TET1: variants seen among roughly 807,000 people sequenced by gnomAD.
TET1 encodes the protein methylcytosine dioxygenase TET1.
A neutral mutation model predicts 148.7 loss-of-function variants in TET1; 13 were observed. The observed-to-expected ratio is 0.09, with a 90% CI of 0.06 to 0.14. TET1 has a LOEUF of 0.14. Among genes scored for constraint, TET1 ranks in the 10% least tolerant of loss-of-function variants. The pLI, the probability that TET1 is intolerant of heterozygous loss-of-function variation, is 1.00. For missense variants in TET1, 2,182 were observed against 2,553.8 expected (o/e 0.85, Z 3.14); for synonymous variants, 907 against 937.2 (o/e 0.97, Z 0.59).
intron 3 of TET1, among the ~76,000 whole-genome samples, chr10:68,635,636 C>T (rs1373481945): frequency 1.3e-5 from 2 of 152,168 alleles, no homozygotes; most frequent in East Asian, 1.9e-4. Flanking sequence ...TAACCTTAAG[C>T]ATGGGTGGGG....
chr10:68,583,651 G>A (rs767782200), intron 2 of TET1, among the ~76,000 whole-genome samples: 2 of 152,144 alleles, frequency 1.3e-5, no homozygotes, highest in African/African-American at 4.8e-5. Flanking sequence ...GGTGGCTCTC[G>A]CCTGTAATCC....
At position 68,691,016 on chromosome 10, in the gene TET1, G is replaced by A; in HGVS notation, c.5613G>A (p.Gly1871=). 1 of 1,614,158 alleles carries A rather than the reference G, an allele frequency of 6.2e-7. No homozygotes were observed. Among genetic ancestry groups the A allele is most frequent in the Non-Finnish European group, 8.5e-7 (1 of 1,179,994 alleles). The change falls in exon 12 of 12, where the codon GGG becomes GGA. Residue 1871 remains glycine, a synonymous_variant. Coordinates refer to ENST00000373644, the MANE Select transcript of TET1 (RefSeq NM_030625.3). The surrounding 1 kb of genome is among the most constrained non-coding windows in gnomAD (Gnocchi z 4.4). ...AGAATGACGCAACAGCCTCATGCGG[G>A]TTTTCAGAAAGAAGCAGCACTCCCC... is the stretch of plus-strand genomic sequence containing the variant. ...PLKNDATASC[G]FSERSSTPHC...
chr10:68,633,106 C>A (rs542820299), intron 3 of TET1, among the ~76,000 whole-genome samples: 1 of 152,146 alleles, frequency 6.6e-6, no homozygotes, highest in Admixed American at 6.6e-5. Flanking sequence ...ATCACTTGAA[C>A]CCAGGAGGTG....
At chr10:68,574,904 G>C (rs1451645089) in intron 2 of TET1, among the ~76,000 whole-genome samples, 1 of 152,210 alleles carries the variant, frequency 6.6e-6, no homozygotes, top group Non-Finnish European at 1.5e-5. Flanking sequence ...ACCTAAGGTA[G>C]TTAAAGGATC....
chr10:68,569,282 C>T (rs1007067557), intron 1 of TET1, among the ~76,000 whole-genome samples: 9 of 149,104 alleles, frequency 6.0e-5, no homozygotes, highest in African/African-American at 2.0e-4. Flanking sequence ...ACGCCATTCT[C>T]CTGCCTCAGC....
intron 7 of TET1, among the ~76,000 whole-genome samples, chr10:68,670,528 T>A (rs2055259009): frequency 6.6e-6 from 1 of 152,230 alleles, no homozygotes; most frequent in Non-Finnish European, 1.5e-5. Flanking sequence ...CTATTGGTGT[T>A]GTTGACTATT....
At chr10:68,619,928 C>A (rs1038951199) in intron 3 of TET1, among the ~76,000 whole-genome samples, 4 of 152,106 alleles carry the variant, frequency 2.6e-5, no homozygotes, top group African/African-American at 9.7e-5. Flanking sequence ...CATGGTGGTT[C>A]ATTCCTGTAA....
At chr10:68,595,997 C>CATATATAT (rs2053982485) in intron 2 of TET1, among the ~76,000 whole-genome samples, 1 of 86,626 alleles carries the variant, frequency 1.2e-5, no homozygotes, top group African/African-American at 4.8e-5. Flanking sequence ...CACACACACA[C>CATATATAT]ACACACACAC....
At chr10:68,610,207 C>T (rs565772533) in intron 3 of TET1, among the ~76,000 whole-genome samples, 13 of 151,968 alleles carry the variant, frequency 8.6e-5, no homozygotes, top group African/African-American at 2.7e-4. Context: ...GATGTGAACC[C>T]GGGAGATGGA....
At chr10:68,616,782 A>G (rs1369583577) in intron 3 of TET1, among the ~76,000 whole-genome samples, 1 of 149,016 alleles carries the variant, frequency 6.7e-6, no homozygotes, top group African/African-American at 2.5e-5. Flanking sequence ...ATCTCGGCTC[A>G]CGGCAACCTC....
intron 3 of TET1, among the ~76,000 whole-genome samples, chr10:68,606,188 G>A (rs1355493497): frequency 6.6e-6 from 1 of 152,012 alleles, no homozygotes; most frequent in Admixed American, 6.5e-5. Flanking sequence ...CCAACATGGT[G>A]AAACCCTGTC....
At chr10:68,585,084 ATCC>A (rs1159527896) in intron 2 of TET1, among the ~76,000 whole-genome samples, 7 of 152,160 alleles carry the variant, frequency 4.6e-5, no homozygotes, top group Middle Eastern at 3.4e-3. Flanking sequence ...GGCTCACTGA[ATCC>A]TCTGCCTCCC....
intron 2 of TET1, among the ~76,000 whole-genome samples, chr10:68,588,988 T>A (rs1378854821): frequency 6.6e-6 from 1 of 151,952 alleles, no homozygotes; most frequent in Non-Finnish European, 1.5e-5. Context: ...CTGGGCATGG[T>A]GGTGAGTGCC....
rs3814177 is a variant in TET1 at position 68,572,309 on chromosome 10, C to G, written c.-30C>G. 1 of 1,541,802 alleles carries G rather than the reference C, an allele frequency of 6.5e-7. No individual in the cohort carries two copies. Among genetic ancestry groups the G allele is most frequent in the South Asian group, 1.3e-5 (1 of 79,556 alleles). ...AAAGGACCAATGACTCTGTTTCCTGCGCCCTTTCATTTTTTCCTACTCTGT... is the reference window on the plus strand; with the variant it reads ...AAAGGACCAATGACTCTGTTTCCTGGGCCCTTTCATTTTTTCCTACTCTGT... On this transcript the variant is annotated 5_prime_UTR_variant, in exon 2 of 12. Coordinates refer to ENST00000373644, the MANE Select transcript of TET1 (RefSeq NM_030625.3).
intron 3 of TET1, chr10:68,632,832 TTG>T: frequency 1.3e-6 from 1 of 796,978 alleles, no homozygotes; most frequent in Non-Finnish European, 1.9e-6. Flanking sequence ...AAAGTTTAAG[TTG>T]TAAAAAAAAA....
chr10:68,675,161 G>A (rs755196207), intron 8 of TET1: 1 of 332,476 alleles, frequency 3.0e-6, no homozygotes, highest in Non-Finnish European at 5.6e-6. Flanking sequence ...GGGGAAAAAA[G>A]TGTCTGTTAG....
chr10:68,594,741 G>A (rs1213425252), intron 2 of TET1, among the ~76,000 whole-genome samples: 1 of 152,104 alleles, frequency 6.6e-6, no homozygotes, highest in Non-Finnish European at 1.5e-5. Context: ...CACTTTGGGA[G>A]GCTGAGGTAG....
chr10:68,682,753 T>G, intron 9 of TET1, 83 bp from the exon 10 acceptor site: 2 of 1,442,278 alleles, frequency 1.4e-6, no homozygotes, highest in Non-Finnish European at 1.9e-6. Flanking sequence ...AGAAACTTCA[T>G]GAGGAAATTA....
rs758739848 is a variant in TET1, at chr10:68,572,830, A to C, written c.492A>C (p.Gln164His). The stretch of plus-strand genomic sequence containing the variant: ...ATTCGGTTCCAATGCAAGACACCCA[A>C]GTCCTTCCTGATATAGAGACTCTAA... ...ENDSVPMQDT[Q>H]VLPDIETLIG... Residue 164 changes from glutamine to histidine, a missense_variant, in exon 2 of 12, where the codon CAA (glutamine) becomes CAC (histidine). By Grantham distance (24) the Gln-to-His change is conservative (BLOSUM62 0). This residue lies in a region of TET1 where 665 missense variants were observed against 672.4 expected (regional missense o/e 0.99). Coordinates refer to ENST00000373644, the MANE Select transcript of TET1 (RefSeq NM_030625.3). 5 of 1,614,176 alleles carry C rather than the reference A, an allele frequency of 3.1e-6. No homozygotes were observed. The Admixed American group carries it at 8.3e-5, about 27-fold the overall frequency.
Sources: gnomAD v4.1 joint callset for allele counts (sites outside exome capture counted in the v4.1 genomes callset) on GRCh38, gnomAD v4.1.1 for gene constraint, gnomAD v4.1.1 regional missense constraint, Gnocchi (gnomAD v3.1) non-coding constraint, MANE v1.5 for transcripts, NCBI Gene and HGNC (gene_info 2026-07-23, HGNC 2026-07-21) for gene names.